MAN2A1: variants seen among roughly 807,000 people sequenced by gnomAD.
MAN2A1 encodes the protein alpha-mannosidase 2.
A neutral mutation model predicts 142.6 loss-of-function variants in MAN2A1; 76 were observed. The observed-to-expected ratio is 0.53, with a 90% CI of 0.44 to 0.65. The LOEUF is 0.65. Among genes scored for constraint, MAN2A1 ranks in the 30% least tolerant of loss-of-function variants. MAN2A1 has a pLI of 0.00. For synonymous variants in MAN2A1, 559 were observed against 473.2 expected, an observed-to-expected ratio of 1.18 and a Z score of -2.35; for missense variants, 1,311 against 1,365.1, an observed-to-expected ratio of 0.96 and a Z score of 0.62.
At chr5:109,845,812 A>G in intron 17 of MAN2A1, 53 bp from the exon 18 acceptor site, 1 of 1,451,708 alleles carries the variant, frequency 6.9e-7, no homozygotes, top group Non-Finnish European at 9.2e-7. Flanking sequence ...CAAGTTTTTA[A>G]AAGAACATAT....
intron 13 of MAN2A1, among the ~76,000 whole-genome samples, chr5:109,817,761 A>G (rs1031861158): frequency 2.0e-5 from 3 of 152,146 alleles, no homozygotes; most frequent in Non-Finnish European, 4.4e-5. Context: ...AAAATTTTGA[A>G]TGTTTTGCTC....
intron 4 of MAN2A1, among the ~76,000 whole-genome samples, chr5:109,735,562 ACT>A (rs1752066883): frequency 6.6e-6 from 1 of 151,974 alleles, no homozygotes; most frequent in East Asian, 1.9e-4. Context: ...ACTGTCTGGC[ACT>A]CTCTAGTGAG....
intron 3 of MAN2A1, among the ~76,000 whole-genome samples, chr5:109,723,786 T>C (rs1751669925): frequency 6.6e-6 from 1 of 152,226 alleles, no homozygotes; most frequent in African/African-American, 2.4e-5. Flanking sequence ...ACTTCCTGTC[T>C]TTTCCATATG....
rs186889076 is a variant in MAN2A1, at chr5:109,752,447, G to A, written c.708-2882G>A. Among the ~76,000 whole-genome samples the A allele has an allele frequency of 2.6e-5, 4 of 152,326 alleles. No individual in the cohort carries two copies. The East Asian group carries it at 5.8e-4, about 22-fold the overall frequency. On this transcript the variant is annotated intron_variant, in intron 4 of 21. Transcript: ENST00000261483. ...CCAAGCAAGCTTCTGAGTGCCGGAC[G>A]TGCCAACGTGAACAAAACACATTCT...
At chr5:109,793,086 T>A (rs1753775117) in intron 12 of MAN2A1, among the ~76,000 whole-genome samples, 1 of 152,088 alleles carries the variant, frequency 6.6e-6, no homozygotes, top group Non-Finnish European at 1.5e-5. Context: ...TAGGAAGCAG[T>A]GGGAATGATG....
chr5:109,729,282 A>T (rs1751832342), intron 3 of MAN2A1, 60 bp from the exon 4 acceptor site: 1 of 1,068,164 alleles, frequency 9.4e-7, no homozygotes, highest in Non-Finnish European at 1.4e-6. Flanking sequence ...ATGGAATGTG[A>T]CTGAGTTGAA....
At chr5:109,734,647 A>G (rs1484384949) in intron 4 of MAN2A1, among the ~76,000 whole-genome samples, 15 of 152,252 alleles carry the variant, frequency 9.9e-5, no homozygotes, top group East Asian at 3.9e-4. Flanking sequence ...TCATTCAGGA[A>G]CAGGTTGTTC....
At chr5:109,846,053 A>T in intron 18 of MAN2A1, 47 bp downstream of exon 18, 1 of 1,519,360 alleles carries the variant, frequency 6.6e-7, no homozygotes, top group Non-Finnish European at 8.9e-7. Flanking sequence ...TTTCAATTCC[A>T]ACTGTATACT....
At chr5:109,691,501 C>T (rs907358113) in intron 1 of MAN2A1, among the ~76,000 whole-genome samples, 2 of 152,144 alleles carry the variant, frequency 1.3e-5, no homozygotes, top group Non-Finnish European at 2.9e-5. Context: ...ACTTGACTTA[C>T]GAGAAAGAGA....
At chr5:109,850,624 C>G (rs1755459654) in intron 19 of MAN2A1, among the ~76,000 whole-genome samples, 1 of 152,146 alleles carries the variant, frequency 6.6e-6, no homozygotes, top group African/African-American at 2.4e-5. Flanking sequence ...CTGTCTTTTG[C>G]TCCTCCTGAA....
At chr5:109,736,066 T>A (rs1371763942) in intron 4 of MAN2A1, among the ~76,000 whole-genome samples, 1 of 152,038 alleles carries the variant, frequency 6.6e-6, no homozygotes, top group Admixed American at 6.6e-5. Context: ...ATCCCTCCAG[T>A]TACTCAAGAC....
chr5:109,770,902 A>G lies in MAN2A1; in HGVS notation c.1196+361A>G, dbSNP rs567440081. Among the ~76,000 whole-genome samples, 6 of 152,322 alleles carry G rather than the reference A, an allele frequency of 3.9e-5. No individual in the cohort carries two copies. In the East Asian group the frequency reaches 9.6e-4, roughly 24 times the overall value. ...ATTGTACAAATTGGTAAGAAAAGCAATTCAACTGCAAAAACACATTTATTG... is the reference window on the plus strand; with the variant it reads ...ATTGTACAAATTGGTAAGAAAAGCAGTTCAACTGCAAAAACACATTTATTG... On this transcript the variant is annotated intron_variant, in intron 7 of 21. Coordinates refer to ENST00000261483, the MANE Select transcript of MAN2A1 (RefSeq NM_002372.4).
intron 16 of MAN2A1, chr5:109,840,795 G>A: frequency 3.8e-6 from 1 of 264,970 alleles, no homozygotes. Flanking sequence ...CTGGGAACCT[G>A]TGTGGTGCGC....
At chr5:109,767,755 T>G in intron 6 of MAN2A1, 47 bp downstream of exon 6, 1 of 1,523,166 alleles carries the variant, frequency 6.6e-7, no homozygotes, top group Non-Finnish European at 9.0e-7. Flanking sequence ...CTAGATACTA[T>G]TTCACAAGGG....
chr5:109,769,376 T>G (rs1487515220), intron 6 of MAN2A1, among the ~76,000 whole-genome samples: 1 of 152,220 alleles, frequency 6.6e-6, no homozygotes, highest in Non-Finnish European at 1.5e-5. Flanking sequence ...CTTGTTCACG[T>G]GTTCGAGTTC....
intron 1 of MAN2A1, 142 bp downstream of exon 1, chr5:109,690,694 G>T: frequency 1.1e-6 from 1 of 940,724 alleles, no homozygotes; most frequent in Non-Finnish European, 1.6e-6. Context: ...GCTCTCGGAC[G>T]GCAATGATCA....
At chr5:109,797,651 A>G (rs1753899865) in intron 12 of MAN2A1, among the ~76,000 whole-genome samples, 1 of 152,168 alleles carries the variant, frequency 6.6e-6, no homozygotes, top group East Asian at 1.9e-4. Context: ...GATATAATTG[A>G]TGAAAAGTTT....
chr5:109,706,784 T>G (rs747450280), intron 1 of MAN2A1, among the ~76,000 whole-genome samples: 2 of 152,106 alleles, frequency 1.3e-5, no homozygotes, highest in Non-Finnish European at 2.9e-5. Flanking sequence ...GTGGTATAGA[T>G]CCTAAGTTTC....
chr5:109,818,683 A>G (rs6881643), intron 13 of MAN2A1, among the ~76,000 whole-genome samples: 58,233 of 152,020 alleles, frequency 0.38, 12,133 homozygotes, highest in African/African-American at 0.56. Flanking sequence ...GCATTGTTGT[A>G]AAGCCCTTAC....
Sources: gnomAD v4.1 joint callset for allele counts (sites outside exome capture counted in the v4.1 genomes callset) on GRCh38, gnomAD v4.1.1 for gene constraint, MANE v1.5 for transcripts, NCBI Gene and HGNC (gene_info 2026-07-23, HGNC 2026-07-21) for gene names.